The following TCAIM variants were observed in gnomAD, a reference collection of about 807,000 sequenced individuals.
TCAIM encodes the protein T cell activation inhibitor, mitochondrial, also known as T-cell activation inhibitor, mitochondrial.
Under a neutral mutation model 58.6 loss-of-function variants are expected in TCAIM, and 36 were observed. The ratio of observed to expected loss-of-function variants is 0.61; its 90% CI spans 0.47 to 0.81. TCAIM has a LOEUF of 0.81. TCAIM is among the 30% of genes least tolerant of loss of function. The pLI, the probability that TCAIM is intolerant of heterozygous loss-of-function variation, is 0.00. For synonymous variants in TCAIM, 172 were observed against 193.6 expected (o/e 0.89, Z 0.93); for missense variants, 466 against 579.6 (o/e 0.80, Z 2.01).
At chr3:44,393,143 C>T (rs1701865519) in intron 6 of TCAIM, among the ~76,000 whole-genome samples, 166 bp downstream of exon 6, 1 of 152,132 alleles carries the variant, frequency 6.6e-6, no homozygotes. Flanking sequence ...TAAGAAAACT[C>T]TTATTAATTT....
intron 5 of TCAIM, among the ~76,000 whole-genome samples, chr3:44,377,722 T>G (rs1035938310): frequency 1.3e-5 from 2 of 152,102 alleles, no homozygotes; most frequent in African/African-American, 4.8e-5. Flanking sequence ...GAAGTAAAAC[T>G]GGAAATTTCA....
chr3:44,398,043 G>T (rs1701961901), intron 8 of TCAIM, among the ~76,000 whole-genome samples: 1 of 151,374 alleles, frequency 6.6e-6, no homozygotes, highest in South Asian at 2.1e-4. Context: ...ACTAAAAAGG[G>T]CTACTAGAAA....
chr3:44,406,641 G>A (rs1414714740), intron 10 of TCAIM, among the ~76,000 whole-genome samples: 1 of 152,124 alleles, frequency 6.6e-6, no homozygotes, highest in Non-Finnish European at 1.5e-5. Flanking sequence ...GTGTTTAAGG[G>A]TGATTAAATG....
At chr3:44,399,558 C>G (rs1006211753) in intron 8 of TCAIM, among the ~76,000 whole-genome samples, 5 of 152,154 alleles carry the variant, frequency 3.3e-5, no homozygotes, top group African/African-American at 1.2e-4. Flanking sequence ...CTTCTCTTTC[C>G]ACTCAATCGC....
chr3:44,386,289 G>A (rs989034430), intron 5 of TCAIM, among the ~76,000 whole-genome samples: 1 of 152,058 alleles, frequency 6.6e-6, no homozygotes, highest in African/African-American at 2.4e-5. Context: ...CCGAGTGGGA[G>A]GATTGCTTGA....
At position 44,354,756 on chromosome 3, in the gene TCAIM, G is replaced by A. The variant is rs531864716; in HGVS notation, c.-27G>A. The A allele has an allele frequency of 2.4e-5, 39 of 1,601,086 alleles. No individual in the cohort carries two copies. The East Asian group carries it at 2.5e-4, about 10-fold the overall frequency. The stretch of plus-strand genomic sequence containing the variant: ...CTTTTAAGCAATTAATGGATGCCTC[G>A]AAGTTGACGTACATATATATTCAGA... On this transcript the variant is annotated 5_prime_UTR_variant, in exon 2 of 11. Coordinates refer to ENST00000342649, the MANE Select transcript of TCAIM (RefSeq NM_173826.4).
At chr3:44,389,626 T>G (rs1267944591) in intron 5 of TCAIM, among the ~76,000 whole-genome samples, 1 of 152,188 alleles carries the variant, frequency 6.6e-6, no homozygotes, top group African/African-American at 2.4e-5. Flanking sequence ...ATAGTAGTGA[T>G]GTAAATTAAG....
At chr3:44,355,303 G>T (rs1463859978) in intron 2 of TCAIM, among the ~76,000 whole-genome samples, 1 of 152,206 alleles carries the variant, frequency 6.6e-6, no homozygotes, top group African/African-American at 2.4e-5. Context: ...GGACAGAAAG[G>T]GGAGAATGAG....
At chr3:44,368,695 TG>T (rs1305791764) in intron 5 of TCAIM, among the ~76,000 whole-genome samples, 1 of 152,206 alleles carries the variant, frequency 6.6e-6, no homozygotes, top group African/African-American at 2.4e-5. Flanking sequence ...AATTTAATGA[TG>T]GACCAGAAGT....
intron 1 of TCAIM, among the ~76,000 whole-genome samples, chr3:44,349,515 G>A (rs1471883965): frequency 6.6e-6 from 1 of 152,156 alleles, no homozygotes; most frequent in Non-Finnish European, 1.5e-5. Context: ...CTAGAGAAAA[G>A]AGAGGGTAGA....
chr3:44,380,287 G>A (rs1177378312), intron 5 of TCAIM, among the ~76,000 whole-genome samples: 2 of 151,908 alleles, frequency 1.3e-5, no homozygotes, highest in Non-Finnish European at 2.9e-5. Context: ...TAATTGGAAT[G>A]TTTCTACAAT....
intron 8 of TCAIM, 27 bp downstream of exon 8, chr3:44,396,861 C>CT: frequency 6.3e-7 from 1 of 1,594,622 alleles, no homozygotes. Context: ...AAATTAAAAA[C>CT]TCCTTGTCAT....
At chr3:44,353,144 C>T (rs1385806528) in intron 1 of TCAIM, among the ~76,000 whole-genome samples, 4 of 152,028 alleles carry the variant, frequency 2.6e-5, no homozygotes, top group Non-Finnish European at 5.9e-5. Context: ...TGGTCTCTAA[C>T]TCCTGACCTC....
chr3:44,343,292 G>A (rs187318137), intron 1 of TCAIM, among the ~76,000 whole-genome samples: 1 of 152,078 alleles, frequency 6.6e-6, no homozygotes, highest in Non-Finnish European at 1.5e-5. Flanking sequence ...CAAATCTCAA[G>A]CCCCCTAGCC....
At chr3:44,353,237 TAGTATC>T (rs55737449) in intron 1 of TCAIM, among the ~76,000 whole-genome samples, 70,548 of 151,396 alleles carry the variant, frequency 0.47, 18,141 homozygotes, top group East Asian at 0.8. Flanking sequence ...TTTAACTTAG[TAGTATC>T]CAGTTAAGTT....
intron 6 of TCAIM, among the ~76,000 whole-genome samples, chr3:44,396,055 C>T (rs1443437183): frequency 6.6e-6 from 1 of 152,230 alleles, no homozygotes; most frequent in Non-Finnish European, 1.5e-5. Flanking sequence ...TAAAACAAAA[C>T]CATCGTCATT....
chr3:44,377,434 C>G (rs1701583558), intron 5 of TCAIM, among the ~76,000 whole-genome samples: 2 of 152,254 alleles, frequency 1.3e-5, no homozygotes, highest in South Asian at 4.1e-4. Flanking sequence ...CTGGACACTT[C>G]AGTACTCCAC....
intron 5 of TCAIM, among the ~76,000 whole-genome samples, chr3:44,386,994 G>A (rs114282577): frequency 0.017 from 2,583 of 152,302 alleles, 77 homozygotes; most frequent in African/African-American, 0.058. Flanking sequence ...ACTGATGACC[G>A]TTCAGCCAAT....
chr3:44,368,124 G>C (rs1053142330), intron 5 of TCAIM, among the ~76,000 whole-genome samples: 9 of 152,168 alleles, frequency 5.9e-5, no homozygotes, highest in African/African-American at 2.2e-4. Context: ...ATGTACTTTA[G>C]TGTAATAATC....
Sources: allele counts gnomAD v4.1 joint callset (sites outside exome capture counted in the v4.1 genomes callset), GRCh38; gene constraint gnomAD v4.1.1; transcripts MANE v1.5; gene names NCBI Gene and HGNC (gene_info 2026-07-23, HGNC 2026-07-21).